The following KCTD16 variants were observed in gnomAD, a reference collection of about 807,000 sequenced individuals.
KCTD16 encodes the protein BTB/POZ domain-containing protein KCTD16.
KCTD16 carries 13 observed loss-of-function variants against 33.2 expected under a neutral mutation model. The observed-to-expected ratio is 0.39, with a 90% CI of 0.25 to 0.62. The LOEUF (loss-of-function observed/expected upper bound fraction) is 0.62, where lower values mean the gene tolerates loss of function less well. Ranked by LOEUF, KCTD16 falls within the 20% of genes least tolerant of loss-of-function variation. KCTD16 has a pLI of 0.50. For synonymous variants in KCTD16, 197 were observed against 195.3 expected (o/e 1.01, Z -0.07); for missense variants, 441 against 525.1 (o/e 0.84, Z 1.57).
chr5:144,182,761 A>AG (rs1491331380), intron 2 of KCTD16, among the ~76,000 whole-genome samples: 22 of 151,650 alleles, frequency 1.5e-4, no homozygotes, highest in African/African-American at 4.9e-4. Flanking sequence ...AGAGAGAGAG[A>AG]AAGAGAGAGA....
At chr5:144,176,455 T>C (rs1455873780) in intron 2 of KCTD16, among the ~76,000 whole-genome samples, 1 of 142,862 alleles carries the variant, frequency 7.0e-6, no homozygotes, top group Non-Finnish European at 1.5e-5. Flanking sequence ...GACTGCGGAC[T>C]GCAGTGGCGC....
At chr5:144,217,494 A>G (rs1468579939) in intron 3 of KCTD16, among the ~76,000 whole-genome samples, 3 of 152,236 alleles carry the variant, frequency 2.0e-5, no homozygotes, top group Admixed American at 6.5e-5. Context: ...CCTCTGGGAC[A>G]GAGGGGTAAT....
At chr5:144,275,531 G>A (rs1003211586) in intron 3 of KCTD16, among the ~76,000 whole-genome samples, 2 of 152,076 alleles carry the variant, frequency 1.3e-5, no homozygotes, top group African/African-American at 4.8e-5. Flanking sequence ...TGTTACAAGA[G>A]GCAGATCCCC....
chr5:144,296,722 C>T (rs907090110), intron 3 of KCTD16, among the ~76,000 whole-genome samples: 2 of 152,026 alleles, frequency 1.3e-5, no homozygotes, highest in Non-Finnish European at 2.9e-5. Context: ...GGAAAAAGAG[C>T]AGCCTTTAGA....
intron 2 of KCTD16, among the ~76,000 whole-genome samples, chr5:144,193,439 T>C (rs560452562): frequency 6.6e-6 from 1 of 152,212 alleles, no homozygotes; most frequent in African/African-American, 2.4e-5. Context: ...TAGAGCACAC[T>C]GTTCCCAGCA....
Position 144,247,936 on chromosome 5 carries a change from T to C in KCTD16, c.832+40390T>C, listed in dbSNP as rs185166051. Reference sequence around the variant, plus strand: ...CACCTGATGAGCAGGTCCTGGGCTATTTTCCATGCTCAGTGACTCTGACGT... The same window carrying C: ...CACCTGATGAGCAGGTCCTGGGCTACTTTCCATGCTCAGTGACTCTGACGT... On this transcript the variant is annotated intron_variant, in intron 3 of 3. Transcript: ENST00000512467. Among the ~76,000 whole-genome samples the C allele has an allele frequency of 3.1e-3, 477 of 152,318 alleles. 1 individual carries two copies. Among genetic ancestry groups the C allele is most frequent in the African/African-American group, 0.011 (459 of 41,580 alleles).
At chr5:144,423,621 C>A (rs1408032408) in intron 3 of KCTD16, among the ~76,000 whole-genome samples, 1 of 151,980 alleles carries the variant, frequency 6.6e-6, no homozygotes, top group Non-Finnish European at 1.5e-5. Context: ...CTCACAACAA[C>A]AAAAATATTT....
intron 3 of KCTD16, among the ~76,000 whole-genome samples, chr5:144,239,477 A>T (rs1366235973): frequency 6.6e-6 from 1 of 152,136 alleles, no homozygotes; most frequent in East Asian, 1.9e-4. Flanking sequence ...GGAGTGAAGA[A>T]GATTCTGAGA....
chr5:144,288,181 A>G (rs935911223), intron 3 of KCTD16, among the ~76,000 whole-genome samples: 4 of 152,104 alleles, frequency 2.6e-5, no homozygotes, highest in Non-Finnish European at 5.9e-5. Flanking sequence ...GACCTTTACA[A>G]ATGCTGCCCT....
intron 3 of KCTD16, among the ~76,000 whole-genome samples, chr5:144,373,806 A>G (rs1174235146): frequency 6.6e-6 from 1 of 152,226 alleles, no homozygotes; most frequent in African/African-American, 2.4e-5. Context: ...AATTGGTAAG[A>G]TGAGGTTAGT....
At chr5:144,400,721 A>G (rs1202757725) in intron 3 of KCTD16, among the ~76,000 whole-genome samples, 1 of 152,216 alleles carries the variant, frequency 6.6e-6, no homozygotes, top group Admixed American at 6.5e-5. Context: ...CTAAATAAAT[A>G]TCAAGAAAAT....
intron 3 of KCTD16, among the ~76,000 whole-genome samples, chr5:144,338,056 T>G (rs1222743503): frequency 6.6e-6 from 1 of 152,194 alleles, no homozygotes; most frequent in African/African-American, 2.4e-5. Context: ...GCAATGGAAC[T>G]GAGTTTTTAA....
intron 3 of KCTD16, among the ~76,000 whole-genome samples, chr5:144,227,178 T>C (rs938638746): frequency 6.6e-6 from 1 of 152,162 alleles, no homozygotes; most frequent in Admixed American, 6.5e-5. Context: ...ATAAACACTA[T>C]GGAGAATGAA....
chr5:144,240,465 A>G (rs966895755), intron 3 of KCTD16, among the ~76,000 whole-genome samples: 1 of 152,138 alleles, frequency 6.6e-6, no homozygotes, highest in Admixed American at 6.6e-5. Context: ...GAGTCCCTGT[A>G]TTACCCTTCA....
chr5:144,265,476 C>A (rs983135201), intron 3 of KCTD16, among the ~76,000 whole-genome samples: 2 of 152,166 alleles, frequency 1.3e-5, no homozygotes, highest in Non-Finnish European at 2.9e-5. Context: ...TCAGAAAACA[C>A]ACTGAAGTTA....
intron 2 of KCTD16, among the ~76,000 whole-genome samples, chr5:144,192,378 A>T (rs1752859435): frequency 6.6e-6 from 1 of 152,186 alleles, no homozygotes; most frequent in African/African-American, 2.4e-5. Context: ...GTGATACACG[A>T]TTTCATTCTA....
intron 3 of KCTD16, among the ~76,000 whole-genome samples, chr5:144,228,092 T>C (rs529917748): frequency 7.2e-5 from 11 of 152,058 alleles, no homozygotes; most frequent in African/African-American, 2.7e-4. Context: ...AAGCTGGGAG[T>C]CATCACCATG....
intron 3 of KCTD16, among the ~76,000 whole-genome samples, chr5:144,308,853 CTT>C (rs5871875): frequency 6.7e-6 from 1 of 148,954 alleles, no homozygotes; most frequent in Non-Finnish European, 1.5e-5. Flanking sequence ...CTCCCTCCCA[CTT>C]TTTTTTTTAA....
intron 3 of KCTD16, among the ~76,000 whole-genome samples, chr5:144,270,225 A>G (rs1224018273): frequency 6.6e-6 from 1 of 152,018 alleles, no homozygotes; most frequent in African/African-American, 2.4e-5. Context: ...TCCAAATACA[A>G]CAGCATATGT....
Sources: gnomAD v4.1 joint callset for allele counts (sites outside exome capture counted in the v4.1 genomes callset) on GRCh38, gnomAD v4.1.1 for gene constraint, MANE v1.5 for transcripts, NCBI Gene and HGNC (gene_info 2026-07-23, HGNC 2026-07-21) for gene names.